The following BUD31 variants were observed in gnomAD, a reference collection of about 807,000 sequenced individuals.
The protein encoded by BUD31 is BUD31 spliceosome associated protein.
Under a neutral mutation model 17.9 loss-of-function variants are expected in BUD31, and 9 were observed. The ratio of observed to expected loss-of-function variants is 0.50; its 90% CI spans 0.30 to 0.88. BUD31 has a LOEUF of 0.88. Ranked by LOEUF, BUD31 falls within the 40% of genes least tolerant of loss-of-function variation. BUD31 has a pLI of 0.06. For synonymous variants in BUD31, 70 were observed against 64.7 expected (o/e 1.08, Z -0.39); for missense variants, 148 against 184.5 (o/e 0.80, Z 1.15).
chr7:99,411,233 A>G, intron 3 of BUD31, 47 bp downstream of exon 3: 1 of 1,438,288 alleles, frequency 7.0e-7, no homozygotes, highest in Non-Finnish European at 9.8e-7. Context: ...CAAGGGTCAC[A>G]GGCTTAGATG....
Position 99,419,388 on chromosome 7 carries a change from C to G in BUD31, c.385-3C>G, listed in dbSNP as rs1448712289. 1.2e-6 allele frequency: 2 copies of G among 1,612,982 alleles called. No individual in the cohort carries two copies. ...ATCGTCTCACTGTCCTCCTCCGTTG[C>G]AGGGCCGCATCATCGAGTGCACACA... On this transcript the variant is annotated splice_polypyrimidine_tract_variant and splice_region_variant and intron_variant, in intron 5 of 5. Transcript: ENST00000222969.
Position 99,412,812 on chromosome 7 carries a change from G to A in BUD31, c.94+1626G>A, listed in dbSNP as rs555545778. On this transcript the variant is annotated intron_variant, in intron 3 of 5. Transcript: ENST00000222969. Reference sequence around the variant, plus strand: ...TTTTTTTTGTATTTTTAGTAGAGACGGGGTTTCACCATGTTAGCCAGGATG... The same window carrying A: ...TTTTTTTTGTATTTTTAGTAGAGACAGGGTTTCACCATGTTAGCCAGGATG... Among the ~76,000 whole-genome samples the A allele has an allele frequency of 7.8e-4, 117 of 149,242 alleles. 2 individuals are homozygous for A. In the South Asian group the frequency reaches 0.024, roughly 30 times the overall value.
At chr7:99,410,995 C>A in intron 2 of BUD31, 69 bp from the exon 3 acceptor site, 1 of 1,038,210 alleles carries the variant, frequency 9.6e-7, no homozygotes, top group Non-Finnish European at 1.5e-6. Flanking sequence ...TCAGCCTGTA[C>A]CGAAATAATG....
chr7:99,411,013 A>G (rs1795159729), intron 2 of BUD31, 51 bp from the exon 3 acceptor site: 5 of 1,242,514 alleles, frequency 4.0e-6, no homozygotes, highest in Non-Finnish European at 4.6e-6. Flanking sequence ...ATGGCTGGCA[A>G]AGGCCTTTGG....
Position 99,417,419 on chromosome 7 carries a change from T to C in BUD31, c.218-10T>C. On this transcript the variant is annotated splice_polypyrimidine_tract_variant and intron_variant, in intron 4 of 5. Transcript: ENST00000222969. ...CATGGCCTGATGCTCTTTCCCCATC[T>C]TTTTGACAGAACTCTATGAATATTG... 1 of 1,613,630 alleles carries C rather than the reference T, an allele frequency of 6.2e-7. No individual in the cohort carries two copies.
intron 4 of BUD31, 41 bp from the exon 5 acceptor site, chr7:99,417,388 T>C: frequency 6.2e-7 from 1 of 1,604,760 alleles, no homozygotes; most frequent in Non-Finnish European, 8.5e-7. Context: ...GGGAAGGTTT[T>C]TAGACCATGG....
chr7:99,418,971 C>T, intron 5 of BUD31: 1 of 187,230 alleles, frequency 5.3e-6, no homozygotes, highest in South Asian at 9.9e-5. Flanking sequence ...AAGGGTGTGA[C>T]TCAAGTGCAT....
intron 4 of BUD31, 104 bp downstream of exon 4, chr7:99,416,364 C>T: frequency 6.9e-7 from 1 of 1,442,504 alleles, no homozygotes; most frequent in South Asian, 1.4e-5. Context: ...CATGGTTTTT[C>T]TTACCACGAA....
chr7:99,417,835 C>A, intron 5 of BUD31: 3 of 1,463,330 alleles, frequency 2.1e-6, no homozygotes, highest in South Asian at 2.7e-5. Flanking sequence ...ATTACTGAAC[C>A]CCTTTCCTCA....
rs373554477 is a variant in BUD31 at position 99,414,499 on chromosome 7, T to C, written c.95-1639T>C. Among the ~76,000 whole-genome samples, 9 of 152,352 alleles carry C rather than the reference T, an allele frequency of 5.9e-5. 1 individual carries two copies. In the East Asian group the frequency reaches 1.7e-3, roughly 29 times the overall value. On this transcript the variant is annotated intron_variant, in intron 3 of 5. Coordinates refer to ENST00000222969, the MANE Select transcript of BUD31 (RefSeq NM_003910.4). ...TGTTAAATTATCCAATTAAGGGGTT[T>C]TTAGTATATTCACAAAGTTGTACGA...
chr7:99,411,440 A>G (rs1179457186), intron 3 of BUD31, among the ~76,000 whole-genome samples: 1 of 152,230 alleles, frequency 6.6e-6, no homozygotes, highest in East Asian at 1.9e-4. Flanking sequence ...TATGAAATAT[A>G]GATCAAATAG....
At chr7:99,411,387 G>T in intron 3 of BUD31, 1 of 499,316 alleles carries the variant, frequency 2.0e-6, no homozygotes, top group Non-Finnish European at 3.5e-6. Context: ...CAGAAAAGGT[G>T]TTTTTTTTTG....
chr7:99,417,800 C>T (rs1368299180), intron 5 of BUD31: 3 of 1,515,224 alleles, frequency 2.0e-6, no homozygotes. Context: ...GGTCTGGGGT[C>T]AATCTCAACT....
At chr7:99,416,701 G>A (rs1008916264) in intron 4 of BUD31, 1 of 153,114 alleles carries the variant, frequency 6.5e-6, no homozygotes, top group Non-Finnish European at 1.4e-5. Flanking sequence ...TTATAGGCGT[G>A]GTCCACCGCT....
chr7:99,415,135 AAGAC>A (rs1795349902), intron 3 of BUD31: 4 of 444,898 alleles, frequency 9.0e-6, no homozygotes, highest in South Asian at 6.3e-5. Flanking sequence ...AAAGAGATAA[AAGAC>A]AGCTGAGCCT....
At chr7:99,415,512 C>T (rs902259554) in intron 3 of BUD31, among the ~76,000 whole-genome samples, 2 of 152,002 alleles carry the variant, frequency 1.3e-5, no homozygotes, top group African/African-American at 2.4e-5. Flanking sequence ...TGGATAACTG[C>T]GGGCGGGCCT....
intron 4 of BUD31, chr7:99,416,738 T>A (rs1795493575): frequency 1.3e-5 from 2 of 155,618 alleles, no homozygotes; most frequent in African/African-American, 5.0e-5. Context: ...TTTTTTTTTT[T>A]GAAACAGGGT....
In BUD31 at chr7:99,411,071, C is replaced by T. The variant is rs1416324734; in HGVS notation, c.-22C>T. On this transcript the variant is annotated 5_prime_UTR_variant, in exon 3 of 6. Transcript: ENST00000222969. ...TTCATTTTTTTCCCCCAGATCTTTG[C>T]AGATTATCCTGTGGAAGGAAAATGC... The T allele has an allele frequency of 3.7e-6, 6 of 1,601,826 alleles. No individual in the cohort carries two copies. In the Admixed American group the frequency reaches 8.4e-5, roughly 22 times the overall value.
chr7:99,410,787 C>T (rs1379505524), intron 2 of BUD31, among the ~76,000 whole-genome samples: 1 of 152,194 alleles, frequency 6.6e-6, no homozygotes, highest in Admixed American at 6.5e-5. Flanking sequence ...ATGATAGATA[C>T]AATTCTAATG....
Sources: allele counts gnomAD v4.1 joint callset (sites outside exome capture counted in the v4.1 genomes callset), GRCh38; gene constraint gnomAD v4.1.1; transcripts MANE v1.5; gene names NCBI Gene and HGNC (gene_info 2026-07-23, HGNC 2026-07-21).